SMIM31: variants seen among roughly 807,000 people sequenced by gnomAD.
SMIM31 encodes human epithelial cell program regulator.
At chr4:164,783,353 A>G (rs940757694) in intron 2 of SMIM31, among the ~76,000 whole-genome samples, 15 of 151,564 alleles carry the variant, frequency 9.9e-5, no homozygotes, top group Admixed American at 5.9e-4. Context: ...GTGAAACCCC[A>G]TCTCTACCAA....
At chr4:164,786,083 T>C (rs1163761673) in intron 2 of SMIM31, among the ~76,000 whole-genome samples, 1 of 152,178 alleles carries the variant, frequency 6.6e-6, no homozygotes, top group Admixed American at 6.6e-5. Flanking sequence ...TAAATCTAAA[T>C]ATTATAACCC....
chr4:164,783,261 C>T (rs970094525), intron 2 of SMIM31, among the ~76,000 whole-genome samples: 2 of 147,036 alleles, frequency 1.4e-5, no homozygotes, highest in African/African-American at 2.5e-5. Context: ...CTGTGGCTCA[C>T]ACCTGTAATC....
intron 2 of SMIM31, among the ~76,000 whole-genome samples, chr4:164,799,375 C>T (rs1733254024): frequency 6.6e-6 from 1 of 151,704 alleles, no homozygotes. Flanking sequence ...ACAGAGCAAG[C>T]CCCTGTCTCA....
intron 2 of SMIM31, among the ~76,000 whole-genome samples, chr4:164,793,411 G>A (rs1733132367): frequency 6.6e-6 from 1 of 152,122 alleles, no homozygotes; most frequent in African/African-American, 2.4e-5. Context: ...ACAAAAGAAT[G>A]AAGTTGGACC....
chr4:164,761,848 G>A (rs1010635432), intron 1 of SMIM31, among the ~76,000 whole-genome samples: 23 of 151,798 alleles, frequency 1.5e-4, no homozygotes, highest in African/African-American at 5.1e-4. Context: ...GCTTGAACCC[G>A]GGAAGGGGAG....
At chr4:164,758,827 T>G (rs1327079824) in intron 1 of SMIM31, among the ~76,000 whole-genome samples, 99 of 98,262 alleles carry the variant, frequency 1.0e-3, no homozygotes, top group African/African-American at 1.6e-3. Flanking sequence ...TTTTTTTTTT[T>G]TTTTTTTTTT....
intron 2 of SMIM31, among the ~76,000 whole-genome samples, chr4:164,772,746 T>G (rs1300010119): frequency 2.0e-5 from 3 of 151,440 alleles, no homozygotes; most frequent in East Asian, 2.0e-4. Flanking sequence ...GCCCGGCTAA[T>G]TTTTTGTATT....
chr4:164,793,109 A>C (rs1733126034), intron 2 of SMIM31, among the ~76,000 whole-genome samples: 1 of 152,210 alleles, frequency 6.6e-6, no homozygotes, highest in Non-Finnish European at 1.5e-5. Flanking sequence ...ATACACAGGA[A>C]CAGGAAATAA....
chr4:164,793,640 A>G (rs1468439525), intron 2 of SMIM31, among the ~76,000 whole-genome samples: 1 of 152,048 alleles, frequency 6.6e-6, no homozygotes, highest in Non-Finnish European at 1.5e-5. Flanking sequence ...ATGCAGGGAA[A>G]AAGAGCAAGA....
At chr4:164,757,380 G>C (rs994466249) in intron 1 of SMIM31, among the ~76,000 whole-genome samples, 1 of 150,120 alleles carries the variant, frequency 6.7e-6, no homozygotes, top group Non-Finnish European at 1.5e-5. Context: ...TACTCATTTT[G>C]TTAATGATGC....
At chr4:164,765,237 T>G (rs1435884986) in intron 1 of SMIM31, among the ~76,000 whole-genome samples, 1 of 152,136 alleles carries the variant, frequency 6.6e-6, no homozygotes, top group African/African-American at 2.4e-5. Flanking sequence ...CAAAGAGACA[T>G]GTAGCAGGTT....
intron 2 of SMIM31, among the ~76,000 whole-genome samples, chr4:164,782,000 T>C (rs1215946567): frequency 6.6e-6 from 1 of 152,148 alleles, no homozygotes; most frequent in Admixed American, 6.5e-5. Flanking sequence ...CCTTAAAAAG[T>C]GAATTTTGGG....
chr4:164,793,146 C>T (rs1370976288), intron 2 of SMIM31, among the ~76,000 whole-genome samples: 1 of 152,070 alleles, frequency 6.6e-6, no homozygotes, highest in Non-Finnish European at 1.5e-5. Context: ...CTCTTATAAG[C>T]TGAAGCTAAA....
chr4:164,754,869 T>G, intron 1 of SMIM31, among the ~76,000 whole-genome samples: 1 of 128,052 alleles, frequency 7.8e-6, no homozygotes, highest in East Asian at 2.4e-4. Context: ...AGGGATGTAG[T>G]TAAATAATTA....
intron 2 of SMIM31, among the ~76,000 whole-genome samples, chr4:164,775,492 C>T (rs1008904969): frequency 1.3e-5 from 2 of 152,198 alleles, no homozygotes; most frequent in African/African-American, 4.8e-5. Context: ...TATAAATCAT[C>T]TTACCTATAA....
At chr4:164,777,260 A>C (rs1732890290) in intron 2 of SMIM31, among the ~76,000 whole-genome samples, 1 of 152,272 alleles carries the variant, frequency 6.6e-6, no homozygotes, top group African/African-American at 2.4e-5. Context: ...CCCTCAGGGC[A>C]GAAGAAATTA....
chr4:164,784,693 T>C (rs1322475288), intron 2 of SMIM31, among the ~76,000 whole-genome samples: 1 of 152,202 alleles, frequency 6.6e-6, no homozygotes, highest in Non-Finnish European at 1.5e-5. Flanking sequence ...TCCTGGGTCC[T>C]ACTTATGAGC....
At chr4:164,791,408 C>G (rs1387314125) in intron 2 of SMIM31, among the ~76,000 whole-genome samples, 1 of 152,152 alleles carries the variant, frequency 6.6e-6, no homozygotes, top group Non-Finnish European at 1.5e-5. Context: ...TCTCAGCTTA[C>G]TGCAACTTCT....
At chr4:164,788,051 A>G (rs1733049547) in intron 2 of SMIM31, among the ~76,000 whole-genome samples, 1 of 152,188 alleles carries the variant, frequency 6.6e-6, no homozygotes, top group Non-Finnish European at 1.5e-5. Flanking sequence ...TTTACACAAT[A>G]TATATTAGGA....
Sources: gnomAD v4.1 joint callset for allele counts (sites outside exome capture counted in the v4.1 genomes callset) on GRCh38, gnomAD v4.1.1 for gene constraint, MANE v1.5 for transcripts, NCBI Gene and HGNC (gene_info 2026-07-23, HGNC 2026-07-21) for gene names.